The following TFAP2A variants were observed in gnomAD, a reference collection of about 807,000 sequenced individuals.
TFAP2A encodes the protein transcription factor AP-2 alpha, also known as transcription factor AP-2-alpha.
TFAP2A carries 7 observed loss-of-function variants against 41.5 expected under a neutral mutation model. The observed-to-expected ratio is 0.17, with a 90% confidence interval of 0.10 to 0.32. The LOEUF (loss-of-function observed/expected upper bound fraction) is 0.32. Ranked by LOEUF, TFAP2A falls within the 10% of genes least tolerant of loss-of-function variation. The probability of loss-of-function intolerance (pLI) is 1.00; values close to 1 mark genes in which losing one functional copy is unlikely to be tolerated. For missense variants in TFAP2A, 416 were observed against 563.3 expected, an observed-to-expected ratio of 0.74 and a Z score of 2.65; for synonymous variants, 247 against 242.8, an observed-to-expected ratio of 1.02 and a Z score of -0.16.
intron 5 of TFAP2A, chr6:10,402,172 TA>T (rs1225908248): frequency 2.5e-6 from 1 of 402,048 alleles, no homozygotes; most frequent in African/African-American, 2.2e-5. Flanking sequence ...CAGAATAACT[TA>T]AGTTATTTAC....
At chr6:10,402,852 G>A (rs1039859249) in intron 4 of TFAP2A, among the ~76,000 whole-genome samples, 2 of 152,208 alleles carry the variant, frequency 1.3e-5, no homozygotes, top group African/African-American at 4.8e-5. Context: ...AGGTTGGAAG[G>A]TTTTGATTTC....
intron 2 of TFAP2A, chr6:10,409,014 A>C (rs1291709498): frequency 6.6e-6 from 1 of 152,254 alleles, no homozygotes; most frequent in Non-Finnish European, 1.5e-5. Flanking sequence ...GGCTTGCTCT[A>C]ATTCCATTTC....
chr6:10,402,817 C>T (rs969047740), intron 4 of TFAP2A, among the ~76,000 whole-genome samples: 1 of 152,202 alleles, frequency 6.6e-6, no homozygotes, highest in African/African-American at 2.4e-5. Flanking sequence ...CCCCTACGTT[C>T]AGTTATTATT....
chr6:10,406,474 G>A, intron 3 of TFAP2A: 3 of 414,552 alleles, frequency 7.2e-6, no homozygotes, highest in Non-Finnish European at 8.9e-6. Context: ...TCCAGGCAAT[G>A]GATTAAACTA....
intron 5 of TFAP2A, chr6:10,402,012 A>G (rs540510927): frequency 3.4e-6 from 1 of 289,968 alleles, no homozygotes; most frequent in East Asian, 9.0e-5. Context: ...AAGCACAATT[A>G]AAGAGATAAG....
At position 10,398,387 on chromosome 6, in the gene TFAP2A, G is replaced by A; in HGVS notation, c.*30C>T. On this transcript the variant is annotated 3_prime_UTR_variant, in exon 7 of 7. Transcript: ENST00000379613. This position sits in a 1 kb window ranked among gnomAD's most constrained non-coding sequence, Gnocchi z 5.3. ...GGTGGGCGCGCGGGGGGCTGGTGAG[G>A]CGTGGGAGGGGCGGGGCGGGAGGAG... is the stretch of plus-strand genomic sequence containing the variant. The A allele has an allele frequency of 6.2e-7, 1 of 1,611,572 alleles. No homozygotes were observed.
At chr6:10,414,285 G>T (rs574714278) in intron 1 of TFAP2A, among the ~76,000 whole-genome samples, 1 of 152,312 alleles carries the variant, frequency 6.6e-6, no homozygotes, top group South Asian at 2.1e-4. Flanking sequence ...CTCAGAGGGA[G>T]AAGCTACTTA....
At chr6:10,415,157 G>A (rs1171195640), upstream of TFAP2A, 1 of 1,526,870 alleles carries the variant, frequency 6.5e-7, no homozygotes, top group Non-Finnish European at 8.8e-7. Context: ...GCAAGGAGGA[G>A]GAGGAGGAAG....
At chr6:10,405,822 G>A (rs1757688523) in intron 3 of TFAP2A, 1 of 152,184 alleles carries the variant, frequency 6.6e-6, no homozygotes, top group Non-Finnish European at 1.5e-5. Flanking sequence ...GATCACTTGT[G>A]ACATTAATAG....
At chr6:10,399,586 G>C (rs1384206039) in intron 6 of TFAP2A, among the ~76,000 whole-genome samples, 1 of 152,190 alleles carries the variant, frequency 6.6e-6, no homozygotes, top group African/African-American at 2.4e-5. Flanking sequence ...TGGGGAGGGG[G>C]ATGAATGAGG....
chr6:10,411,762 G>A (rs1757982120), intron 1 of TFAP2A: 4 of 1,478,844 alleles, frequency 2.7e-6, no homozygotes, highest in South Asian at 2.8e-5. Context: ...CGGGAGCCCG[G>A]CTCGGATCCA....
intron 6 of TFAP2A, 36 bp downstream of exon 6, chr6:10,400,412 C>G (rs1554110953): frequency 2.5e-6 from 4 of 1,613,976 alleles, no homozygotes; most frequent in Non-Finnish European, 3.4e-6. Flanking sequence ...CTCTTGACAA[C>G]GAGACACAGA....
At chr6:10,399,589 G>A (rs1053887446) in intron 6 of TFAP2A, among the ~76,000 whole-genome samples, 1 of 152,216 alleles carries the variant, frequency 6.6e-6, no homozygotes, top group African/African-American at 2.4e-5. Flanking sequence ...GGAGGGGGAT[G>A]AATGAGGAGC....
intron 3 of TFAP2A, 33 bp from the exon 4 acceptor site, chr6:10,404,772 C>T: frequency 1.3e-6 from 2 of 1,592,694 alleles, no homozygotes; most frequent in Non-Finnish European, 8.6e-7. Context: ...GCGTGTTGGG[C>T]GTCGTGGATC....
chr6:10,400,505 C>T lies in TFAP2A; in HGVS notation c.974G>A (p.Arg325Gln). 4 of 1,614,100 alleles carry T rather than the reference C, an allele frequency of 2.5e-6. No individual in the cohort carries two copies. Among genetic ancestry groups the T allele is most frequent in the African/African-American group, 1.3e-5 (1 of 74,982 alleles). Reference sequence around the variant, plus strand: ...TTGCTCATTGGGATCGGAATGTTGTCGGTTGAGAAATTCAGCTACTGCTTT... The same window carrying T: ...TTGCTCATTGGGATCGGAATGTTGTTGGTTGAGAAATTCAGCTACTGCTTT... Reference protein sequence around the residue: ...PAKAVAEFLNRQHSDPNEQVT... With the variant: ...PAKAVAEFLNQQHSDPNEQVT... Residue 325 changes from arginine (R) to glutamine (Q), a missense_variant, in exon 6 of 7, where the codon CGA (arginine) becomes CAA (glutamine). By Grantham distance (43) the Arg-to-Gln change is conservative. Transcript: ENST00000379613.
chr6:10,418,384 G>A (rs567792217), upstream of TFAP2A: 1 of 152,198 alleles, frequency 6.6e-6, no homozygotes, highest in African/African-American at 2.4e-5. Flanking sequence ...TCAGATTTTT[G>A]GGGGGAAGTT....
intron 5 of TFAP2A, 71 bp from the exon 6 acceptor site, chr6:10,400,660 C>A: frequency 6.5e-7 from 1 of 1,547,512 alleles, no homozygotes; most frequent in Non-Finnish European, 8.9e-7. Context: ...CCTCCCCACT[C>A]CCAACTCCCT....
At chr6:10,412,201 G>C in intron 1 of TFAP2A, 1 of 987,116 alleles carries the variant, frequency 1.0e-6, no homozygotes, top group Non-Finnish European at 1.2e-6. Context: ...GACAAAAAGC[G>C]AGCGAGAGAG....
chr6:10,400,072 T>C (rs778392320), intron 6 of TFAP2A, among the ~76,000 whole-genome samples: 20 of 152,130 alleles, frequency 1.3e-4, no homozygotes, highest in Admixed American at 5.2e-4. Context: ...GGAGAACATA[T>C]TGATAGGATA....
Sources: gnomAD v4.1 joint callset for allele counts (sites outside exome capture counted in the v4.1 genomes callset) on GRCh38, gnomAD v4.1.1 for gene constraint, Gnocchi (gnomAD v3.1) non-coding constraint, MANE v1.5 for transcripts, NCBI Gene and HGNC (gene_info 2026-07-23, HGNC 2026-07-21) for gene names.